The following STEAP3 variants were observed in gnomAD, a reference collection of about 807,000 sequenced individuals.
STEAP3 encodes metalloreductase STEAP3.
A neutral mutation model predicts 34.9 loss-of-function variants in STEAP3; 35 were observed. The ratio of observed to expected loss-of-function variants is 1.00; its 90% confidence interval spans 0.76 to 1.33. The LOEUF (loss-of-function observed/expected upper bound fraction) is 1.33, where lower values mean the gene tolerates loss of function less well. Ranked by LOEUF, STEAP3 falls within the 40% of genes most tolerant of loss-of-function variation. STEAP3 has a pLI of 0.00. For missense variants in STEAP3, 652 were observed against 667.6 expected (o/e 0.98, Z 0.26); for synonymous variants, 281 against 301.6 (o/e 0.93, Z 0.71).
At chr2:119,242,287 C>T (rs988910041) in intron 2 of STEAP3, among the ~76,000 whole-genome samples, 1 of 152,222 alleles carries the variant, frequency 6.6e-6, no homozygotes, top group African/African-American at 2.4e-5. Flanking sequence ...AGGCTGGCTA[C>T]TCTTCCTCCC....
chr2:119,242,451 G>A (rs1160004782), intron 2 of STEAP3, among the ~76,000 whole-genome samples: 1 of 152,186 alleles, frequency 6.6e-6, no homozygotes, highest in East Asian at 1.9e-4. Flanking sequence ...CCAAATTGCA[G>A]ATGCTGGCCT....
chr2:119,227,842 T>TTATTTATTTATC, intron 1 of STEAP3, among the ~76,000 whole-genome samples: 1 of 151,908 alleles, frequency 6.6e-6, no homozygotes, highest in Admixed American at 6.6e-5. Flanking sequence ...ATTTATTTAT[T>TTATTTATTTATC]TTTTGGAGAC....
In STEAP3 at chr2:119,245,784, C is replaced by T. The variant is rs751830029; in HGVS notation, c.318C>T (p.Tyr106=). 5.6e-6 allele frequency: 9 copies of T among 1,614,218 alleles called. No individual in the cohort carries two copies. Among genetic ancestry groups the T allele is most frequent in the Admixed American group, 5.0e-5 (3 of 60,026 alleles). The part of the protein sequence containing the change: ...VIFVAVFREH[Y]SSLCSLSDQL... ...TTGTGGCTGTGTTCCGGGAGCACTA[C>T]TCTTCACTGTGCAGTCTCAGTGACC... The change falls in exon 3 of 6, where the codon TAC becomes TAT. Residue 106 remains tyrosine, a synonymous_variant. Coordinates refer to ENST00000393110, the MANE Select transcript of STEAP3 (RefSeq NM_182915.3).
chr2:119,255,393 A>T (rs1195818512), intron 5 of STEAP3, among the ~76,000 whole-genome samples: 2 of 152,130 alleles, frequency 1.3e-5, no homozygotes, highest in East Asian at 1.9e-4. Flanking sequence ...TTTCCCAAGG[A>T]TGCCATTCCT....
intron 5 of STEAP3, among the ~76,000 whole-genome samples, chr2:119,261,506 G>A (rs572229945): frequency 6.6e-6 from 1 of 151,796 alleles, no homozygotes; most frequent in East Asian, 2.0e-4. Flanking sequence ...TTCAGTCAGA[G>A]CACCCCTGTG....
chr2:119,252,234 G>A (rs1462877374), intron 4 of STEAP3, among the ~76,000 whole-genome samples: 2 of 152,218 alleles, frequency 1.3e-5, no homozygotes, highest in Non-Finnish European at 2.9e-5. Context: ...AATGCTTTTA[G>A]TCCTGCAGTA....
rs764502163 is a variant in STEAP3 at position 119,254,716 on chromosome 2, G to A, written c.1083G>A (p.Glu361=). 7 of 1,614,164 alleles carry A rather than the reference G, an allele frequency of 4.3e-6. No homozygotes were observed. The East Asian group carries it at 6.7e-5, about 15-fold the overall frequency. The change falls in exon 5 of 6, where the codon GAG becomes GAA. Residue 361 remains glutamate (E), a synonymous_variant. Transcript: ENST00000393110. The stretch of plus-strand genomic sequence containing the variant: ...CCAACAAGAGCCACCTCTGGGTGGA[G>A]GAGGAGGTCTGGCGGATGGAGATCT... The part of the protein sequence containing the change: ...VLANKSHLWV[E]EEVWRMEIYL...
chr2:119,234,165 T>G (rs748375741), intron 2 of STEAP3, among the ~76,000 whole-genome samples: 2 of 127,022 alleles, frequency 1.6e-5, no homozygotes, highest in Non-Finnish European at 3.6e-5. Flanking sequence ...CTTGGCTAAC[T>G]CTGCCCTTTC....
intron 5 of STEAP3, among the ~76,000 whole-genome samples, chr2:119,256,386 T>C (rs949179645): frequency 5.3e-5 from 8 of 152,194 alleles, no homozygotes; most frequent in African/African-American, 1.9e-4. Context: ...ATGTGTCTCA[T>C]ACCCAAATCT....
chr2:119,245,738 T>G lies in STEAP3; in HGVS notation c.272T>G (p.Val91Gly), dbSNP rs1677398173. The change falls in exon 3 of 6, where the codon GTG (valine) becomes GGG (glycine). Residue 91 changes from valine to glycine, a missense_variant. By Grantham distance (109) the Val-to-Gly change is moderately radical. Transcript: ENST00000393110. Reference sequence around the variant, plus strand: ...CAAGTGACTTTCCAAGAGGAGGCAGTGAGCTCCCCGGAGGTCATCTTTGTG... The same window carrying G: ...CAAGTGACTTTCCAAGAGGAGGCAGGGAGCTCCCCGGAGGTCATCTTTGTG... ...AAQVTFQEEA[V>G]SSPEVIFVAV... 3.7e-6 allele frequency: 6 copies of G among 1,614,230 alleles called. No homozygotes were observed. The highest frequency in any genetic ancestry group is 2.2e-5 in the East Asian group (1 of 44,890).
intron 5 of STEAP3, among the ~76,000 whole-genome samples, chr2:119,259,682 G>GA: frequency 6.6e-6 from 1 of 152,318 alleles, no homozygotes; most frequent in East Asian, 1.9e-4. Context: ...GGGGACAGTG[G>GA]CCCACACAGA....
chr2:119,239,831 G>T (rs889846480), intron 2 of STEAP3, among the ~76,000 whole-genome samples: 11 of 152,110 alleles, frequency 7.2e-5, no homozygotes. Context: ...GCTTCTTAAG[G>T]CTCATTCCCT....
chr2:119,265,442 A>G lies in STEAP3; in HGVS notation c.*2104A>G, dbSNP rs1678081670. The G allele has an allele frequency of 6.6e-6, 1 of 152,228 alleles. No homozygotes were observed. The highest frequency in any genetic ancestry group is 2.4e-5 in the African/African-American group (1 of 41,458). 9.4% of individuals were successfully genotyped at this position (152,228 alleles called of 1,614,324 possible). ...CCTACCTCACCAGGCTACTGGCAGC[A>G]GCATCCCGAGAGCACATCATCTCCA... On this transcript the variant is annotated 3_prime_UTR_variant, in exon 6 of 6. Coordinates refer to ENST00000393110, the MANE Select transcript of STEAP3 (RefSeq NM_182915.3).
chr2:119,245,325 T>G, intron 2 of STEAP3, 164 bp from the exon 3 acceptor site: 1 of 967,098 alleles, frequency 1.0e-6, no homozygotes, highest in South Asian at 1.7e-5. Context: ...GGGGCTGTGT[T>G]GTGTTCAGCT....
intron 4 of STEAP3, among the ~76,000 whole-genome samples, chr2:119,250,409 C>A (rs12990907): frequency 6.6e-6 from 1 of 152,184 alleles, no homozygotes; most frequent in African/African-American, 2.4e-5. Flanking sequence ...GTCCTCGAGG[C>A]CCTGATGTGT....
chr2:119,249,027 C>G (rs1355733345), intron 4 of STEAP3: 1 of 149,506 alleles, frequency 6.7e-6, no homozygotes, highest in Non-Finnish European at 1.5e-5. Flanking sequence ...TGGAATGGCC[C>G]CAGGGTTTTG....
At chr2:119,254,895 C>T (rs572795023) in intron 5 of STEAP3, 47 bp downstream of exon 5, 5 of 1,591,506 alleles carry the variant, frequency 3.1e-6, no homozygotes, top group South Asian at 1.1e-5. Context: ...TGGCCCTGGC[C>T]CACCTCTCAT....
At chr2:119,260,989 G>A (rs1677925604) in intron 5 of STEAP3, among the ~76,000 whole-genome samples, 2 of 152,220 alleles carry the variant, frequency 1.3e-5, no homozygotes, top group South Asian at 2.1e-4. Context: ...GCCCAAGAAT[G>A]TTGAACGTGA....
Position 119,230,807 on chromosome 2 carries a change from T to C in STEAP3, c.-206T>C. ...ACCAAGCATCAGTCACCACTCCCGG[T>C]CCAGCCCCTGTGGCCAAGAGCTGGC... On this transcript the variant is annotated 5_prime_UTR_variant, in exon 2 of 6. Coordinates refer to ENST00000393110, the MANE Select transcript of STEAP3 (RefSeq NM_182915.3). 1 of 653,026 alleles carries C rather than the reference T, an allele frequency of 1.5e-6. No homozygotes were observed. The highest frequency in any genetic ancestry group is 1.8e-5 in the South Asian group (1 of 57,090). 40.5% of individuals were successfully genotyped at this position (653,026 alleles called of 1,614,324 possible).
Sources: allele counts gnomAD v4.1 joint callset (sites outside exome capture counted in the v4.1 genomes callset), GRCh38; gene constraint gnomAD v4.1.1; transcripts MANE v1.5; gene names NCBI Gene and HGNC (gene_info 2026-07-23, HGNC 2026-07-21).